CFAP43: variants seen among roughly 807,000 people sequenced by gnomAD.
CFAP43 encodes cilia- and flagella-associated protein 43.
Under a neutral mutation model 218.9 loss-of-function variants are expected in CFAP43, and 155 were observed. The ratio of observed to expected loss-of-function variants is 0.71; its 90% confidence interval spans 0.62 to 0.81. CFAP43 has a LOEUF of 0.81. Ranked by LOEUF, CFAP43 falls within the 30% of genes least tolerant of loss-of-function variation. The pLI is 0.00. For synonymous variants in CFAP43, 645 were observed against 681.3 expected (o/e 0.95, Z 0.83); for missense variants, 1,778 against 1,954.3 (o/e 0.91, Z 1.70).
At position 104,186,129 on chromosome 10, in the gene CFAP43, A is replaced by C. The variant is rs550643595; in HGVS notation, c.1861-6T>G. 6.8e-7 allele frequency: 1 copy of C among 1,474,164 alleles called. No homozygotes were observed. Among genetic ancestry groups the C allele is most frequent in the African/African-American group, 1.4e-5 (1 of 69,386 alleles). The allele number at this position is 1,474,164 out of a possible 1,614,324, so 91.3% of individuals were successfully genotyped here. A position where few individuals can be genotyped will look rare whatever the true frequency, so the allele number is the denominator to read the frequency against. On this transcript the variant is annotated splice_polypyrimidine_tract_variant and splice_region_variant and intron_variant, in intron 14 of 37. Coordinates refer to ENST00000357060, the MANE Select transcript of CFAP43 (RefSeq NM_025145.7). ...ATGTAGATACCGGTATGTTCCTGCC[A>C]ATCAAAGAAAATAACCACATTATAG...
At chr10:104,151,360 A>T (rs1489966207) in intron 28 of CFAP43, among the ~76,000 whole-genome samples, 2 of 152,210 alleles carry the variant, frequency 1.3e-5, no homozygotes, top group African/African-American at 2.4e-5. Context: ...TATTCCCACC[A>T]ACAGTGTATA....
intron 17 of CFAP43, among the ~76,000 whole-genome samples, chr10:104,181,045 A>G (rs1224789561): frequency 6.6e-6 from 1 of 152,194 alleles, no homozygotes; most frequent in African/African-American, 2.4e-5. Context: ...CCCAAGGTTC[A>G]TCTATCCAAT....
At position 104,183,450 on chromosome 10, in the gene CFAP43, T is replaced by C. The variant is rs543327504; in HGVS notation, c.2142-937A>G. On this transcript the variant is annotated intron_variant, in intron 16 of 37. Transcript: ENST00000357060. ...CAGGCCGGACTGCGGACTGCAGTGG[T>C]GCAATCTCGGCTCACTGCAAGCTCC... 7.4e-5 allele frequency among the ~76,000 whole-genome samples: 11 copies of C among 148,960 alleles called. No individual in the cohort carries two copies. In the East Asian group the frequency reaches 1.0e-3, roughly 14 times the overall value.
At position 104,225,465 on chromosome 10, in the gene CFAP43, G is replaced by A; in HGVS notation, c.412C>T (p.Leu138Phe). 1 of 1,608,870 alleles carries A rather than the reference G, an allele frequency of 6.2e-7. No homozygotes were observed. The highest frequency in any genetic ancestry group is 2.2e-5 in the East Asian group (1 of 44,544). The change falls in exon 3 of 38, where the codon CTT (leucine) becomes TTT (phenylalanine). Residue 138 changes from leucine to phenylalanine, a missense_variant. Transcript: ENST00000357060. ...CCACAGGATGCTGAAACTTACCAAA[G>A]GGCCAGTTCAAATTCTGGGAGAGAG... ...YSSLPEFELA[L>F]WNWESSIILC...
At chr10:104,217,759 G>C (rs1322340239) in intron 3 of CFAP43, among the ~76,000 whole-genome samples, 1 of 152,208 alleles carries the variant, frequency 6.6e-6, no homozygotes, top group Non-Finnish European at 1.5e-5. Flanking sequence ...GTATCATACA[G>C]ATGCTGAGGC....
At chr10:104,183,264 T>C (rs1392319525) in intron 16 of CFAP43, among the ~76,000 whole-genome samples, 2 of 152,156 alleles carry the variant, frequency 1.3e-5, no homozygotes, top group Non-Finnish European at 2.9e-5. Flanking sequence ...GATCCAAGAA[T>C]ATGCATTTCT....
chr10:104,179,317 A>G (rs1589715103), intron 18 of CFAP43, among the ~76,000 whole-genome samples: 1 of 152,212 alleles, frequency 6.6e-6, no homozygotes, highest in South Asian at 2.1e-4. Flanking sequence ...ACTGATGTCA[A>G]TTATATGGCC....
chr10:104,185,925 G>C, intron 15 of CFAP43, 49 bp downstream of exon 15: 1 of 1,536,948 alleles, frequency 6.5e-7, no homozygotes, highest in Non-Finnish European at 8.8e-7. Flanking sequence ...TTTCCTATAT[G>C]AGATCAATAT....
At chr10:104,152,486 G>A (rs2088313981) in intron 28 of CFAP43, 121 bp downstream of exon 28, 2 of 1,371,378 alleles carry the variant, frequency 1.5e-6, no homozygotes, top group Non-Finnish European at 1.0e-6. Context: ...ACTGGAGAGG[G>A]ACGCAGGGCC....
rs1460305079 is a variant in CFAP43 at position 104,203,683 on chromosome 10, G to T, written c.1084C>A (p.Gln362Lys). The T allele has an allele frequency of 3.1e-6, 5 of 1,601,462 alleles. No homozygotes were observed. The East Asian group carries it at 1.1e-4, about 36-fold the overall frequency. ...ACCATCCAACATACCTTGTCTGTTT[G>T]AATCAGCAACACTGTATAATTGGGA... The part of the protein sequence containing the change: ...FSPNYTVLLI[Q>K]TDKGSVYIYT... The change falls in exon 8 of 38, where the codon CAA becomes AAA. Residue 362 changes from glutamine (Q) to lysine (K), a missense_variant. Gln to Lys is a moderately conservative substitution (Grantham distance 53). Coordinates refer to ENST00000357060, the MANE Select transcript of CFAP43 (RefSeq NM_025145.7).
At chr10:104,144,574 G>T (rs1452437269) in intron 31 of CFAP43, among the ~76,000 whole-genome samples, 1 of 152,162 alleles carries the variant, frequency 6.6e-6, no homozygotes, top group African/African-American at 2.4e-5. Flanking sequence ...GCTTGAACCC[G>T]GGAGGCGGAG....
intron 11 of CFAP43, 40 bp downstream of exon 11, chr10:104,193,826 G>A: frequency 6.3e-7 from 1 of 1,596,580 alleles, no homozygotes; most frequent in Non-Finnish European, 8.5e-7. Context: ...CAACAGACGG[G>A]TGTGACACGG....
chr10:104,174,873 G>A (rs1010715922), intron 19 of CFAP43, among the ~76,000 whole-genome samples: 6 of 149,702 alleles, frequency 4.0e-5, no homozygotes, highest in East Asian at 2.0e-4. Flanking sequence ...GGCTAACACC[G>A]TGAAACACCA....
At chr10:104,137,766 A>T (rs1210842404) in intron 34 of CFAP43, among the ~76,000 whole-genome samples, 1 of 152,160 alleles carries the variant, frequency 6.6e-6, no homozygotes, top group Non-Finnish European at 1.5e-5. Flanking sequence ...ATGCTCCGGC[A>T]CTCCAGCCCA....
rs766944013 is a variant in CFAP43 at position 104,131,446 on chromosome 10, G to T, written c.4716C>A (p.Leu1572=). ...GATTGCTGAACTTTCCAAGTTTTTT[G>T]AGTAGTTTCTTGCAGTTTTCCACAT... The part of the protein sequence containing the change: ...KKNVENCKKL[L]KKLGKFSNQK... The change falls in exon 37 of 38, where the codon CTC becomes CTA. Residue 1572 remains leucine, a synonymous_variant. Transcript: ENST00000357060. 1.9e-6 allele frequency: 3 copies of T among 1,613,186 alleles called. No homozygotes were observed. Among genetic ancestry groups the T allele is most frequent in the South Asian group, 1.1e-5 (1 of 90,780 alleles).
At chr10:104,154,518 C>T (rs544227902) in intron 27 of CFAP43, among the ~76,000 whole-genome samples, 20 of 152,274 alleles carry the variant, frequency 1.3e-4, no homozygotes, top group African/African-American at 2.9e-4. Context: ...CTCATAGCCA[C>T]GGAAAAGTCC....
intron 16 of CFAP43, among the ~76,000 whole-genome samples, chr10:104,184,323 A>G (rs1329527400): frequency 2.6e-5 from 4 of 152,162 alleles, no homozygotes; most frequent in African/African-American, 4.8e-5. Context: ...TCTAATTAGG[A>G]AAGTGTGTGT....
rs184785516 is a variant in CFAP43 at position 104,148,138 on chromosome 10, G to A, written c.3661-140C>T. 152 of 436,500 alleles carry A rather than the reference G, an allele frequency of 3.5e-4. No homozygotes were observed. The East Asian group carries it at 5.2e-3, about 15-fold the overall frequency. 27.0% of individuals were successfully genotyped at this position (436,500 alleles called of 1,614,324 possible). The stretch of plus-strand genomic sequence containing the variant: ...TAAGAGAAACATTTTAAAGAAAAAG[G>A]GAATACAGCTTATTGAAATAACTTC... On this transcript the variant is annotated intron_variant, in intron 28 of 37. Coordinates refer to ENST00000357060, the MANE Select transcript of CFAP43 (RefSeq NM_025145.7).
intron 31 of CFAP43, 31 bp from the exon 32 acceptor site, chr10:104,143,670 T>A (rs2087813325): frequency 1.2e-6 from 2 of 1,604,316 alleles, no homozygotes; most frequent in Non-Finnish European, 1.7e-6. Flanking sequence ...CCATCAACAT[T>A]TCACATTCTC....
Sources: allele counts gnomAD v4.1 joint callset (sites outside exome capture counted in the v4.1 genomes callset), GRCh38; gene constraint gnomAD v4.1.1; transcripts MANE v1.5; gene names NCBI Gene and HGNC (gene_info 2026-07-23, HGNC 2026-07-21).